Variants in NR4A3 observed in about 807,000 individuals in gnomAD.
NR4A3 encodes the protein chondrosarcoma, extraskeletal myxoid, fused to EWS.
A neutral mutation model predicts 55.6 loss-of-function variants in NR4A3; 13 were observed. The observed-to-expected ratio is 0.23, with a 90% CI of 0.15 to 0.37. The LOEUF (loss-of-function observed/expected upper bound fraction) is 0.37, where lower values mean the gene tolerates loss of function less well. Ranked by LOEUF, NR4A3 falls within the 10% of genes least tolerant of loss-of-function variation. NR4A3 has a pLI of 1.00. For missense variants in NR4A3, 646 were observed against 822.8 expected, an observed-to-expected ratio of 0.79 and a Z score of 2.63; for synonymous variants, 342 against 357.9, an observed-to-expected ratio of 0.96 and a Z score of 0.50.
intron 7 of NR4A3, among the ~76,000 whole-genome samples, chr9:99,860,457 C>T (rs1380970542): frequency 6.6e-6 from 1 of 152,104 alleles, no homozygotes; most frequent in African/African-American, 2.4e-5. Context: ...GATAAATTCC[C>T]AAGAGTGGGA....
Position 99,865,827 on chromosome 9 carries a change from T to G in NR4A3, c.*1960T>G, listed in dbSNP as rs995725756. ...TGTGCTTTTATGAAAGATTGTTATT[T>G]TTATATATCAAGATGATAGAACCTG... On this transcript the variant is annotated 3_prime_UTR_variant, in exon 8 of 8. Coordinates refer to ENST00000395097, the MANE Select transcript of NR4A3 (RefSeq NM_006981.4). This position sits in a 1 kb window ranked among gnomAD's most constrained non-coding sequence, Gnocchi z 4.3. 4.7e-6 allele frequency: 1 copy of G among 211,172 alleles called. No individual in the cohort carries two copies. 13.1% of individuals were successfully genotyped at this position (211,172 alleles called of 1,614,324 possible).
At chr9:99,849,027 T>C (rs1186604148) in intron 7 of NR4A3, among the ~76,000 whole-genome samples, 1 of 152,234 alleles carries the variant, frequency 6.6e-6, no homozygotes, top group African/African-American at 2.4e-5. Context: ...CTCTTGGCTA[T>C]AGAAAACATG....
intron 7 of NR4A3, among the ~76,000 whole-genome samples, chr9:99,848,515 T>G (rs1827794835): frequency 6.6e-6 from 1 of 152,106 alleles, no homozygotes; most frequent in Non-Finnish European, 1.5e-5. Flanking sequence ...CGGCTAATTT[T>G]TGTATCTTTA....
At position 99,822,723 on chromosome 9, in the gene NR4A3, A is replaced by G. The variant is rs1467386701; in HGVS notation, c.-177+316A>G. Reference sequence around the variant, plus strand: ...ATGTAATTCAGGGTATTTCGGCTCTAGTTGTCATGGTAATGATGCTCTCGG... The same window carrying G: ...ATGTAATTCAGGGTATTTCGGCTCTGGTTGTCATGGTAATGATGCTCTCGG... On this transcript the variant is annotated intron_variant, in intron 1 of 7. Transcript: ENST00000395097. The surrounding 1 kb of genome is among the most constrained non-coding windows in gnomAD (Gnocchi z 4.9). 6.6e-6 allele frequency among the ~76,000 whole-genome samples: 1 copy of G among 152,024 alleles called. No individual in the cohort carries two copies. Among genetic ancestry groups the G allele is most frequent in the African/African-American group, 2.4e-5 (1 of 41,384 alleles).
At chr9:99,863,279 T>A (rs1016892130) in intron 7 of NR4A3, among the ~76,000 whole-genome samples, 6 of 152,212 alleles carry the variant, frequency 3.9e-5, no homozygotes, top group Non-Finnish European at 7.3e-5. Flanking sequence ...CATGTGGCTG[T>A]GTGCCAGGAA....
At position 99,866,667 on chromosome 9, in the gene NR4A3, A is replaced by C. The variant is rs560345205; in HGVS notation, c.*2800A>C. 2 of 224,602 alleles carry C rather than the reference A, an allele frequency of 8.9e-6. No individual in the cohort carries two copies. Among genetic ancestry groups the C allele is most frequent in the Non-Finnish European group, 1.8e-5 (2 of 112,362 alleles). 13.9% of individuals were successfully genotyped at this position (224,602 alleles called of 1,614,324 possible). ...GCAGGTGATTCCTCCCCTTGGCGGG[A>C]GAGCTCTCTCAGTGTGAACATGCCT... On this transcript the variant is annotated 3_prime_UTR_variant, in exon 8 of 8. Transcript: ENST00000395097.
chr9:99,863,993 G>T lies in NR4A3; in HGVS notation c.*126G>T. The T allele has an allele frequency of 5.2e-6, 6 of 1,143,366 alleles. 1 individual carries two copies. The South Asian group carries it at 9.4e-5, about 18-fold the overall frequency. The allele number at this position is 1,143,366 out of a possible 1,614,324, so 70.8% of individuals were successfully genotyped here. A position where few individuals can be genotyped will look rare whatever the true frequency, so the allele number is the denominator to read the frequency against. On this transcript the variant is annotated 3_prime_UTR_variant, in exon 8 of 8. Coordinates refer to ENST00000395097, the MANE Select transcript of NR4A3 (RefSeq NM_006981.4). The stretch of plus-strand genomic sequence containing the variant: ...AGAGGAAAAGCAGCTCCTGTAGAAA[G>T]CAAAGACTTTCTTTTTTTTCTGGCT...
intron 5 of NR4A3, among the ~76,000 whole-genome samples, chr9:99,840,155 A>G (rs1239738604): frequency 6.6e-6 from 1 of 152,226 alleles, no homozygotes; most frequent in African/African-American, 2.4e-5. Context: ...ACTTGGACCA[A>G]AACCACTGCA....
chr9:99,828,531 G>T lies in NR4A3; in HGVS notation c.489G>T (p.Ala163=). 2 of 1,571,050 alleles carry T rather than the reference G, an allele frequency of 1.3e-6. No individual in the cohort carries two copies. The highest frequency in any genetic ancestry group is 8.6e-7 in the Non-Finnish European group (1 of 1,164,622). The change falls in exon 3 of 8, where the codon GCG becomes GCT. Residue 163 remains alanine (A), a synonymous_variant. Coordinates refer to ENST00000395097, the MANE Select transcript of NR4A3 (RefSeq NM_006981.4). This position sits in a 1 kb window ranked among gnomAD's most constrained non-coding sequence, Gnocchi z 7.7. ...GALWDEALPS[A]PGCIAPGPLL... ...TATGGGACGAGGCACTGCCCTCGGC[G>T]CCCGGCTGCATCGCACCCGGCCCGC...
At chr9:99,830,231 G>A (rs1827412215) in intron 3 of NR4A3, among the ~76,000 whole-genome samples, 1 of 152,246 alleles carries the variant, frequency 6.6e-6, no homozygotes. Context: ...GAATTAGTGA[G>A]AGAAGACTCA....
chr9:99,846,262 C>T (rs1827751667), intron 6 of NR4A3, among the ~76,000 whole-genome samples: 1 of 152,192 alleles, frequency 6.6e-6, no homozygotes. Context: ...ACTTGTTATA[C>T]CCAATATTTG....
chr9:99,834,888 C>T, intron 5 of NR4A3: 1 of 984,532 alleles, frequency 1.0e-6, no homozygotes, highest in Non-Finnish European at 1.2e-6. Context: ...TGACTACAAT[C>T]AAGTCTCAAA....
intron 2 of NR4A3, among the ~76,000 whole-genome samples, chr9:99,827,115 A>G (rs1371869168): frequency 6.6e-6 from 1 of 152,202 alleles, no homozygotes; most frequent in Non-Finnish European, 1.5e-5. Flanking sequence ...AATCAAGTCT[A>G]TTGAGAAACT....
rs1828052231 is a variant in NR4A3, at chr9:99,864,063, T to C, written c.*196T>C. 1 of 580,850 alleles carries C rather than the reference T, an allele frequency of 1.7e-6. No individual in the cohort carries two copies. The highest frequency in any genetic ancestry group is 3.0e-6 in the Non-Finnish European group (1 of 338,604). The allele number at this position is 580,850 out of a possible 1,614,324, so 36.0% of individuals were successfully genotyped here. ...GCCAGAAAACTTGCAGAGTATTGTGTTGGGGTTGTGTTTTATATTTAGGCA... is the reference window on the plus strand; with the variant it reads ...GCCAGAAAACTTGCAGAGTATTGTGCTGGGGTTGTGTTTTATATTTAGGCA... On this transcript the variant is annotated 3_prime_UTR_variant, in exon 8 of 8. Transcript: ENST00000395097.
chr9:99,864,410 T>C lies in NR4A3; in HGVS notation c.*543T>C, dbSNP rs1167173573. The C allele has an allele frequency of 1.3e-5, 3 of 228,216 alleles. No individual in the cohort carries two copies. The highest frequency in any genetic ancestry group is 1.7e-5 in the Non-Finnish European group (2 of 114,790). The allele number at this position is 228,216 out of a possible 1,614,324, so 14.1% of individuals were successfully genotyped here. Reference sequence around the variant, plus strand: ...CTTTATTTTAACAAATGGTGAAAGATGGAGGATTACCTACAAATCAGACAT... The same window carrying C: ...CTTTATTTTAACAAATGGTGAAAGACGGAGGATTACCTACAAATCAGACAT... On this transcript the variant is annotated 3_prime_UTR_variant, in exon 8 of 8. Coordinates refer to ENST00000395097, the MANE Select transcript of NR4A3 (RefSeq NM_006981.4).
chr9:99,834,118 A>G (rs1827505867), intron 5 of NR4A3: 2 of 845,970 alleles, frequency 2.4e-6, no homozygotes, highest in African/African-American at 1.8e-5. Flanking sequence ...TTTTAAGACC[A>G]TAAATGACGA....
At chr9:99,853,441 T>C (rs1827888049) in intron 7 of NR4A3, among the ~76,000 whole-genome samples, 1 of 113,058 alleles carries the variant, frequency 8.8e-6, no homozygotes, top group African/African-American at 3.4e-5. Flanking sequence ...ATGTGTCATC[T>C]AGCATTAGGT....
chr9:99,847,132 T>C (rs7036004), intron 6 of NR4A3, among the ~76,000 whole-genome samples: 8,944 of 152,284 alleles, frequency 0.059, 874 homozygotes, highest in African/African-American at 0.2. Context: ...CATGAGTGCC[T>C]GCTCCCCCAT....
chr9:99,847,686 G>A (rs1827778577), intron 7 of NR4A3, 71 bp downstream of exon 7: 1 of 1,440,782 alleles, frequency 6.9e-7, no homozygotes, highest in Non-Finnish European at 9.6e-7. Flanking sequence ...ATCTGGCCTT[G>A]ACCACTACAC....
Sources: gnomAD v4.1 joint callset for allele counts (sites outside exome capture counted in the v4.1 genomes callset) on GRCh38, gnomAD v4.1.1 for gene constraint, Gnocchi (gnomAD v3.1) non-coding constraint, MANE v1.5 for transcripts, NCBI Gene and HGNC (gene_info 2026-07-23, HGNC 2026-07-21) for gene names.